The following ACVR2B variants were observed in gnomAD, a reference collection of about 807,000 sequenced individuals.
The protein encoded by ACVR2B is activin A receptor type 2B.
ACVR2B carries 18 observed loss-of-function variants against 65.1 expected under a neutral mutation model. The observed-to-expected ratio is 0.28, with a 90% CI of 0.19 to 0.41. The LOEUF (loss-of-function observed/expected upper bound fraction) is 0.41, where lower values mean the gene tolerates loss of function less well. Among genes scored for constraint, ACVR2B ranks in the 10% least tolerant of loss-of-function variants. The probability of loss-of-function intolerance (pLI) is 1.00; values close to 1 mark genes in which losing one functional copy is unlikely to be tolerated. For missense variants in ACVR2B, 482 were observed against 682.7 expected (o/e 0.71, Z 3.28); for synonymous variants, 298 against 277.7 (o/e 1.07, Z -0.73).
chr3:38,454,347 GC>G lies in ACVR2B; in HGVS notation c.28del (p.Leu10SerfsTer64). The G allele has an allele frequency of 7.7e-7, 1 of 1,297,146 alleles. No individual in the cohort carries two copies. The highest frequency in any genetic ancestry group is 2.5e-5 in the South Asian group (1 of 40,316). The allele number at this position is 1,297,146 out of a possible 1,614,324, so 80.4% of individuals were successfully genotyped here. On this transcript the variant is annotated frameshift_variant, in exon 1 of 11. Transcript: ENST00000352511. LOFTEE classifies it high-confidence loss of function. ...CATGACGGCGCCCTGGGTGGCCCTC[GC>G]CCTCCTCTGGGGATCGCTGTGCGCC... MTAPWVALALLWGSLCAGS... is the reference protein window; with the variant it reads MTAPWVALXLLWGSLCAGS...
At position 38,479,272 on chromosome 3, in the gene ACVR2B, G is replaced by A; in HGVS notation, c.810+1G>A. 6.2e-7 allele frequency: 1 copy of A among 1,614,120 alleles called. No homozygotes were observed. Among genetic ancestry groups the A allele is most frequent in the Non-Finnish European group, 8.5e-7 (1 of 1,180,004 alleles). ...GCTCATCACGGCCTTCCATGACAAGGTGAGCCACACCCATCAGAATGGACT... is the reference window on the plus strand; with the variant it reads ...GCTCATCACGGCCTTCCATGACAAGATGAGCCACACCCATCAGAATGGACT... On this transcript the variant is annotated splice_donor_variant, in intron 6 of 10. Transcript: ENST00000352511. LOFTEE classifies it high-confidence loss of function.
Position 38,483,361 on chromosome 3 carries a change from C to A in ACVR2B, c.*29C>A. The stretch of plus-strand genomic sequence containing the variant: ...CAGGACATGAGTGTCTGTCCAGACT[C>A]AGTGGATCTGAAGAAAAAAGGAAAA... On this transcript the variant is annotated 3_prime_UTR_variant, in exon 11 of 11. Transcript: ENST00000352511. The surrounding 1 kb of genome is among the most constrained non-coding windows in gnomAD (Gnocchi z 4.8). The A allele has an allele frequency of 6.2e-7, 1 of 1,612,472 alleles. No homozygotes were observed. The highest frequency in any genetic ancestry group is 1.1e-5 in the South Asian group (1 of 91,018).
In ACVR2B at chr3:38,481,657, G is replaced by A. The variant is rs1006394317; in HGVS notation, c.1074+192G>A. Among the ~76,000 whole-genome samples, 3 of 152,344 alleles carry A rather than the reference G, an allele frequency of 2.0e-5. No individual in the cohort carries two copies. Among genetic ancestry groups the A allele is most frequent in the East Asian group, 1.9e-4 (1 of 5,184 alleles). On this transcript the variant is annotated intron_variant, in intron 8 of 10. Coordinates refer to ENST00000352511, the MANE Select transcript of ACVR2B (RefSeq NM_001106.4). The surrounding 1 kb of genome is among the most constrained non-coding windows in gnomAD (Gnocchi z 4.7). ...AGGAAGGCAGTGTAGTTTAGCTTCC[G>A]TAGGACAGTCAGCTGGGAAATGTAG...
intron 1 of ACVR2B, among the ~76,000 whole-genome samples, chr3:38,465,397 CAAAAAAA>C (rs71085325): frequency 1.1e-5 from 1 of 90,322 alleles, no homozygotes. Context: ...GATTCCATCT[CAAAAAAA>C]AAAAAAAAAA....
At chr3:38,464,196 C>G (rs1017982252) in intron 1 of ACVR2B, among the ~76,000 whole-genome samples, 1 of 152,218 alleles carries the variant, frequency 6.6e-6, no homozygotes, top group Admixed American at 6.5e-5. Context: ...AAAGTGAATT[C>G]TGTTTTCCTC....
In ACVR2B at chr3:38,477,138, C is replaced by T. The variant is rs1007024498; in HGVS notation, c.53-149C>T. On this transcript the variant is annotated intron_variant, in intron 1 of 10. Coordinates refer to ENST00000352511, the MANE Select transcript of ACVR2B (RefSeq NM_001106.4). This position sits in a 1 kb window ranked among gnomAD's most constrained non-coding sequence, Gnocchi z 6.7. ...AGGTGTGGGACGGATGGGTGGCCTA[C>T]GTCCAGGGGTGAGTGCAGGAGGTTG... 31 of 782,220 alleles carry T rather than the reference C, an allele frequency of 4.0e-5. No homozygotes were observed. The highest frequency in any genetic ancestry group is 2.1e-4 in the South Asian group (12 of 58,194). The allele number at this position is 782,220 out of a possible 1,614,324, so 48.5% of individuals were successfully genotyped here.
rs996684647 is a variant in ACVR2B at position 38,484,980 on chromosome 3, T to C, written c.*1648T>C. On this transcript the variant is annotated 3_prime_UTR_variant, in exon 11 of 11. Transcript: ENST00000352511. ...TTGATAACGCCCCCTTGTAAATAAT[T>C]GTCATCAACTGTAGGTTGGCTGTCT... The C allele has an allele frequency of 2.6e-5, 4 of 152,638 alleles. No individual in the cohort carries two copies. Among genetic ancestry groups the C allele is most frequent in the Admixed American group, 2.0e-4 (3 of 15,284 alleles). 9.5% of individuals were successfully genotyped at this position (152,638 alleles called of 1,614,324 possible).
chr3:38,469,311 G>A (rs1709782536), intron 1 of ACVR2B, among the ~76,000 whole-genome samples: 1 of 152,182 alleles, frequency 6.6e-6, no homozygotes, highest in Non-Finnish European at 1.5e-5. Flanking sequence ...CTGATTCCTT[G>A]GGGACTTTGC....
At position 38,486,232 on chromosome 3, in the gene ACVR2B, T is replaced by C. The variant is rs62239939; in HGVS notation, c.*2900T>C. Reference sequence around the variant, plus strand: ...TTGTGTGTCAGGAGATGGTACCTTTTTGGTGTGGCTGGGGAGGAGTGTGGT... The same window carrying C: ...TTGTGTGTCAGGAGATGGTACCTTTCTGGTGTGGCTGGGGAGGAGTGTGGT... On this transcript the variant is annotated 3_prime_UTR_variant, in exon 11 of 11. Transcript: ENST00000352511. The C allele has an allele frequency of 0.058, 8,782 of 152,328 alleles. 429 individuals carry two copies. Among genetic ancestry groups the C allele is most frequent in the East Asian group, 0.19 (995 of 5,172 alleles). 9.4% of individuals were successfully genotyped at this position (152,328 alleles called of 1,614,324 possible).
At chr3:38,461,259 C>G (rs1179788497) in intron 1 of ACVR2B, among the ~76,000 whole-genome samples, 1 of 152,260 alleles carries the variant, frequency 6.6e-6, no homozygotes, top group East Asian at 1.9e-4. Flanking sequence ...TGAGTTTTCC[C>G]AGCCTGGGCT....
In ACVR2B at chr3:38,462,902, G is replaced by A. The variant is rs548357169; in HGVS notation, c.52+8528G>A. The stretch of plus-strand genomic sequence containing the variant: ...GAGGCTACCCAAGTGATGGCAGTGA[G>A]GGTAGAAGCTGGGTGATATGGCAGT... On this transcript the variant is annotated intron_variant, in intron 1 of 10. Transcript: ENST00000352511. Among the ~76,000 whole-genome samples the A allele has an allele frequency of 5.9e-5, 9 of 152,294 alleles. No individual in the cohort carries two copies. In the South Asian group the frequency reaches 1.9e-3, roughly 32 times the overall value.
intron 1 of ACVR2B, among the ~76,000 whole-genome samples, chr3:38,471,082 C>A (rs554196066): frequency 6.6e-6 from 1 of 152,192 alleles, no homozygotes; most frequent in South Asian, 2.1e-4. Context: ...AATACTAACA[C>A]ACGAAATGTC....
chr3:38,471,513 G>A (rs1293345858), intron 1 of ACVR2B, among the ~76,000 whole-genome samples: 2 of 151,974 alleles, frequency 1.3e-5, no homozygotes, highest in South Asian at 2.1e-4. Flanking sequence ...ACACACACAC[G>A]CACACACACA....
At chr3:38,471,501 G>T (rs1251372503) in intron 1 of ACVR2B, among the ~76,000 whole-genome samples, 2 of 152,030 alleles carry the variant, frequency 1.3e-5, no homozygotes, top group Non-Finnish European at 2.9e-5. Context: ...ACACATGAGT[G>T]CACACACACA....
Position 38,477,828 on chromosome 3 carries a change from G to A in ACVR2B, c.261-33G>A. 1 of 1,606,330 alleles carries A rather than the reference G, an allele frequency of 6.2e-7. No homozygotes were observed. The highest frequency in any genetic ancestry group is 8.5e-7 in the Non-Finnish European group (1 of 1,173,028). On this transcript the variant is annotated intron_variant, in intron 2 of 10. Coordinates refer to ENST00000352511, the MANE Select transcript of ACVR2B (RefSeq NM_001106.4). The surrounding 1 kb of genome is among the most constrained non-coding windows in gnomAD (Gnocchi z 6.7). ...CCTGGGGGAGTCTTGCATCCCCCAGGTGAGGGGTATATGGAAAATTCTGTG... is the reference window on the plus strand; with the variant it reads ...CCTGGGGGAGTCTTGCATCCCCCAGATGAGGGGTATATGGAAAATTCTGTG...
chr3:38,460,484 C>T (rs1037663803), intron 1 of ACVR2B, among the ~76,000 whole-genome samples: 4 of 152,214 alleles, frequency 2.6e-5, no homozygotes, highest in African/African-American at 7.2e-5. Flanking sequence ...AAGGGTCAGC[C>T]ATGTCTCTTC....
At chr3:38,462,405 C>A (rs1709663912) in intron 1 of ACVR2B, among the ~76,000 whole-genome samples, 2 of 152,138 alleles carry the variant, frequency 1.3e-5, no homozygotes, top group African/African-American at 4.8e-5. Flanking sequence ...TTTTCCAGCC[C>A]CCCATCCCCA....
At position 38,477,675 on chromosome 3, in the gene ACVR2B, G is replaced by T. The variant is rs1311470593; in HGVS notation, c.260+181G>T. 6.6e-6 allele frequency among the ~76,000 whole-genome samples: 1 copy of T among 152,166 alleles called. No homozygotes were observed. Among genetic ancestry groups the T allele is most frequent in the Non-Finnish European group, 1.5e-5 (1 of 68,024 alleles). ...TTGTCCTACCTTAGCCCTGAGGAGGGGTCTCAGTGTCAACCCCTGGCTGTT... is the reference window on the plus strand; with the variant it reads ...TTGTCCTACCTTAGCCCTGAGGAGGTGTCTCAGTGTCAACCCCTGGCTGTT... On this transcript the variant is annotated intron_variant, in intron 2 of 10. Coordinates refer to ENST00000352511, the MANE Select transcript of ACVR2B (RefSeq NM_001106.4). The surrounding 1 kb of genome is among the most constrained non-coding windows in gnomAD (Gnocchi z 6.7).
At chr3:38,479,968 A>G (rs1247363192) in intron 7 of ACVR2B, 142 bp downstream of exon 7, 1 of 1,183,378 alleles carries the variant, frequency 8.5e-7, no homozygotes, top group Non-Finnish European at 1.2e-6. Context: ...GCTGGGCACA[A>G]AACCTGGCCT....
Sources: gnomAD v4.1 joint callset for allele counts (sites outside exome capture counted in the v4.1 genomes callset) on GRCh38, gnomAD v4.1.1 for gene constraint, Gnocchi (gnomAD v3.1) non-coding constraint, MANE v1.5 for transcripts, NCBI Gene and HGNC (gene_info 2026-07-23, HGNC 2026-07-21) for gene names.